The following AP3B1 variants were observed in gnomAD, a reference collection of about 807,000 sequenced individuals.
AP3B1 encodes the protein AP-3 complex subunit beta-1.
Under a neutral mutation model 132.5 loss-of-function variants are expected in AP3B1, and 61 were observed. That is an observed-to-expected ratio of 0.46 (90% confidence interval 0.37 to 0.57). The LOEUF is 0.57. AP3B1 is among the 20% of genes least tolerant of loss of function. The probability of loss-of-function intolerance (pLI) is 0.00; values close to 1 mark genes in which losing one functional copy is unlikely to be tolerated. For synonymous variants in AP3B1, 388 were observed against 438.3 expected (o/e 0.89, Z 1.43); for missense variants, 1,120 against 1,289.4 (o/e 0.87, Z 2.01).
intron 7 of AP3B1, among the ~76,000 whole-genome samples, chr5:78,207,494 A>T (rs1299951533): frequency 6.6e-6 from 1 of 152,110 alleles, no homozygotes; most frequent in African/African-American, 2.4e-5. Flanking sequence ...GTAGACAAAG[A>T]TTATAAAACA....
At chr5:78,294,695 TTCCGGACTCG>T in exon 1 of AP3B1, 1 of 1,541,326 alleles carries the variant, frequency 6.5e-7, no homozygotes, top group Non-Finnish European at 8.9e-7. Context: ...GCGCAGGCGC[TTCCGGACTCG>T]TCACGGCTCC....
rs1396887974 is a variant in AP3B1, at chr5:78,160,116, G to A, written c.1363+2703C>T. 2.0e-5 allele frequency among the ~76,000 whole-genome samples: 3 copies of A among 152,082 alleles called. No homozygotes were observed. The South Asian group carries it at 6.2e-4, about 32-fold the overall frequency. On this transcript the variant is annotated intron_variant, in intron 13 of 26. Coordinates refer to ENST00000255194, the MANE Select transcript of AP3B1 (RefSeq NM_003664.5). Reference sequence around the variant, plus strand: ...TATATGGGAAGACTATAATATATTTGTCTTATATTACTATCTCCCTCCAAT... The same window carrying A: ...TATATGGGAAGACTATAATATATTTATCTTATATTACTATCTCCCTCCAAT...
At chr5:78,073,829 G>C (rs1357801664) in intron 22 of AP3B1, among the ~76,000 whole-genome samples, 2 of 152,156 alleles carry the variant, frequency 1.3e-5, no homozygotes, top group Non-Finnish European at 2.9e-5. Flanking sequence ...ACAGCCAGCA[G>C]AACTACTTAC....
At chr5:78,080,924 T>G (rs2112181450) in intron 22 of AP3B1, among the ~76,000 whole-genome samples, 1 of 152,312 alleles carries the variant, frequency 6.6e-6, no homozygotes, top group East Asian at 1.9e-4. Flanking sequence ...CGTCTCTCTT[T>G]GATACACCTG....
intron 22 of AP3B1, among the ~76,000 whole-genome samples, chr5:78,070,221 A>C (rs1161411089): frequency 6.6e-6 from 1 of 152,054 alleles, no homozygotes; most frequent in Non-Finnish European, 1.5e-5. Flanking sequence ...AGCCTGGCCA[A>C]CATGGTGAAA....
chr5:78,062,599 A>C (rs1378607233), intron 22 of AP3B1, among the ~76,000 whole-genome samples: 2 of 152,218 alleles, frequency 1.3e-5, no homozygotes, highest in Non-Finnish European at 2.9e-5. Flanking sequence ...ATTTAGTCAT[A>C]AGCTTACTGT....
intron 6 of AP3B1, among the ~76,000 whole-genome samples, chr5:78,224,056 G>GTGC (rs1746300388): frequency 6.6e-6 from 1 of 151,928 alleles, no homozygotes; most frequent in Non-Finnish European, 1.5e-5. Context: ...ACTTATAATA[G>GTGC]AAAAGCACTA....
chr5:78,285,055 G>A (rs1160611073), intron 1 of AP3B1, among the ~76,000 whole-genome samples: 4 of 152,076 alleles, frequency 2.6e-5, no homozygotes, highest in South Asian at 2.1e-4. Context: ...AGACCATCCC[G>A]GCTAACACGG....
At chr5:78,003,531 G>A (rs529914237) in intron 26 of AP3B1, 6 of 539,848 alleles carry the variant, frequency 1.1e-5, no homozygotes, top group African/African-American at 4.1e-5. Context: ...ATAATTTTAC[G>A]TACATTATAA....
Position 78,063,749 on chromosome 5 carries a change from G to A in AP3B1, c.2578-24475C>T, listed in dbSNP as rs937915559. 3.3e-5 allele frequency among the ~76,000 whole-genome samples: 5 copies of A among 152,224 alleles called. No homozygotes were observed. The South Asian group carries it at 6.2e-4, about 19-fold the overall frequency. On this transcript the variant is annotated intron_variant, in intron 22 of 26. Transcript: ENST00000255194. ...CACATAGGAATGTTTAATATAATAC[G>A]TAGTCTAGTAGTTTTCTAGCAATCT... is the stretch of plus-strand genomic sequence containing the variant.
At chr5:78,175,591 T>C (rs374176642) in intron 11 of AP3B1, 35 bp downstream of exon 11, 87 of 1,538,680 alleles carry the variant, frequency 5.7e-5, no homozygotes, top group Middle Eastern at 1.7e-4. Context: ...AAAACAAATG[T>C]GTTAAAAGCC....
chr5:78,181,818 G>A (rs961786121), intron 7 of AP3B1, among the ~76,000 whole-genome samples, 156 bp from the exon 8 acceptor site: 18 of 151,960 alleles, frequency 1.2e-4, no homozygotes, highest in Non-Finnish European at 2.4e-4. Context: ...AACCTATATC[G>A]AATAAAGGTC....
At chr5:78,245,233 G>GA (rs1561498953) in intron 2 of AP3B1, among the ~76,000 whole-genome samples, 1 of 152,210 alleles carries the variant, frequency 6.6e-6, no homozygotes, top group Non-Finnish European at 1.5e-5. Context: ...GCGAAACAGT[G>GA]AAAGGGAGGC....
chr5:78,225,411 G>T, intron 6 of AP3B1, 131 bp downstream of exon 6: 1 of 488,678 alleles, frequency 2.0e-6, no homozygotes, highest in Non-Finnish European at 3.5e-6. Context: ...TTTAAAAATA[G>T]TCCTGTGTGC....
At chr5:78,045,046 C>T (rs931826618) in intron 22 of AP3B1, among the ~76,000 whole-genome samples, 3 of 152,104 alleles carry the variant, frequency 2.0e-5, no homozygotes, top group Non-Finnish European at 2.9e-5. Flanking sequence ...AATGACACTT[C>T]GTGGTAATAA....
chr5:78,015,845 CTT>C (rs1746836223), intron 25 of AP3B1: 1 of 337,286 alleles, frequency 3.0e-6, no homozygotes, highest in Non-Finnish European at 5.6e-6. Context: ...ATTTCAGTCT[CTT>C]TAAAGTATAC....
chr5:78,010,585 T>C (rs770095245), intron 26 of AP3B1, among the ~76,000 whole-genome samples: 18 of 152,210 alleles, frequency 1.2e-4, no homozygotes, highest in Non-Finnish European at 2.6e-4. Flanking sequence ...GGCACCTCAG[T>C]TTCCACGACA....
chr5:78,060,098 GA>G (rs1748980825), intron 22 of AP3B1, among the ~76,000 whole-genome samples: 1 of 152,116 alleles, frequency 6.6e-6, no homozygotes, highest in Non-Finnish European at 1.5e-5. Context: ...AAAAAGAATG[GA>G]AATCCTGAAA....
intron 1 of AP3B1, among the ~76,000 whole-genome samples, chr5:78,284,709 T>C (rs1749198382): frequency 6.6e-6 from 1 of 152,180 alleles, no homozygotes; most frequent in Admixed American, 6.5e-5. Context: ...CTTCTGGATA[T>C]TGAAATTAGG....
Sources: allele counts gnomAD v4.1 joint callset (sites outside exome capture counted in the v4.1 genomes callset), GRCh38; gene constraint gnomAD v4.1.1; transcripts MANE v1.5; gene names NCBI Gene and HGNC (gene_info 2026-07-23, HGNC 2026-07-21).